The following ALK variants were observed in gnomAD, a reference collection of about 807,000 sequenced individuals.
ALK encodes ALK tyrosine kinase receptor.
Under a neutral mutation model 163.1 loss-of-function variants are expected in ALK, and 74 were observed. The observed-to-expected ratio is 0.45, with a 90% confidence interval of 0.38 to 0.55. The LOEUF is 0.55. Among genes scored for constraint, ALK ranks in the 20% least tolerant of loss-of-function variants. The pLI, the probability that ALK is intolerant of heterozygous loss-of-function variation, is 0.00. For missense variants in ALK, 2,063 were observed against 2,105.3 expected (o/e 0.98, Z 0.39); for synonymous variants, 960 against 843.2 (o/e 1.14, Z -2.40).
At chr2:29,818,710 C>A (rs1337623137) in intron 1 of ALK, among the ~76,000 whole-genome samples, 2 of 152,370 alleles carry the variant, frequency 1.3e-5, no homozygotes, top group African/African-American at 4.8e-5. Flanking sequence ...CAGCGTGAGG[C>A]GGCCCTGGCC....
chr2:29,849,828 G>A (rs566611825), intron 1 of ALK, among the ~76,000 whole-genome samples: 3 of 152,172 alleles, frequency 2.0e-5, no homozygotes, highest in South Asian at 2.1e-4. Context: ...GGGGAGGAGG[G>A]AGGAGAGAGG....
At chr2:29,539,821 GA>G (rs1380743739) in intron 3 of ALK, among the ~76,000 whole-genome samples, 1 of 152,104 alleles carries the variant, frequency 6.6e-6, no homozygotes, top group Non-Finnish European at 1.5e-5. Context: ...CTAAAGTTAA[GA>G]AAACTTTTTC....
intron 3 of ALK, among the ~76,000 whole-genome samples, chr2:29,644,326 C>T (rs1041245327): frequency 6.6e-6 from 1 of 151,648 alleles, no homozygotes; most frequent in Non-Finnish European, 1.5e-5. Context: ...TACAGCACAC[C>T]AACATGGCAC....
chr2:29,810,727 A>G (rs1664737330), intron 1 of ALK, among the ~76,000 whole-genome samples: 1 of 152,142 alleles, frequency 6.6e-6, no homozygotes, highest in African/African-American at 2.4e-5. Flanking sequence ...TAGGCCTTAT[A>G]TTAAGAATAT....
At chr2:29,668,795 A>T (rs1247805884) in intron 3 of ALK, among the ~76,000 whole-genome samples, 1 of 152,094 alleles carries the variant, frequency 6.6e-6, no homozygotes, top group African/African-American at 2.4e-5. Context: ...GGTTTAATGG[A>T]CTCACAGTTT....
At position 29,196,802 on chromosome 2, in the gene ALK, T is replaced by C. The variant is rs1669033638; in HGVS notation, c.4132A>G (p.Ile1378Val). ...CAGTATTCAATCCTCTCCAAAATGATGGCAAAGTTGGGCCTGTCTTCAGGC... is the reference window on the plus strand; with the variant it reads ...CAGTATTCAATCCTCTCCAAAATGACGGCAAAGTTGGGCCTGTCTTCAGGC... ...HQPEDRPNFA[I>V]ILERIEYCTQ... is the part of the protein sequence containing the mutation. Residue 1378 changes from isoleucine to valine, a missense_variant, in exon 28 of 29, where the codon ATC becomes GTC. Around this residue, in one of 5 missense-constraint regions of ALK, gnomAD observed 403 missense variants for 366.2 expected, o/e 1.10. Transcript: ENST00000389048. The C allele has an allele frequency of 6.2e-7, 1 of 1,614,172 alleles. No homozygotes were observed. The highest frequency in any genetic ancestry group is 8.5e-7 in the Non-Finnish European group (1 of 1,179,978).
intron 12 of ALK, among the ~76,000 whole-genome samples, chr2:29,240,152 C>CAGAGAGAGGG (rs142234574): frequency 1.3e-4 from 18 of 143,410 alleles, no homozygotes; most frequent in African/African-American, 4.6e-4. Flanking sequence ...AGGGAAACAG[C>CAGAGAGAGGG]AGAGAGAGAG....
intron 3 of ALK, among the ~76,000 whole-genome samples, chr2:29,600,610 C>T (rs912329484): frequency 7.9e-5 from 12 of 152,112 alleles, no homozygotes; most frequent in Admixed American, 2.0e-4. Flanking sequence ...AGGCTGATAT[C>T]GTGGGGGCTG....
At chr2:29,404,307 CAAAAAAA>C (rs11297118) in intron 4 of ALK, among the ~76,000 whole-genome samples, 3 of 135,410 alleles carry the variant, frequency 2.2e-5, no homozygotes, top group African/African-American at 2.7e-5. Flanking sequence ...GACTCCGTCT[CAAAAAAA>C]AAAAAAAAAA....
At chr2:29,212,415 C>T (rs1669489768) in intron 24 of ALK, among the ~76,000 whole-genome samples, 1 of 152,136 alleles carries the variant, frequency 6.6e-6, no homozygotes, top group Non-Finnish European at 1.5e-5. Context: ...AACTGATAGA[C>T]TCTTAGAAGG....
At chr2:29,553,985 T>C (rs1303739733) in intron 3 of ALK, among the ~76,000 whole-genome samples, 2 of 152,218 alleles carry the variant, frequency 1.3e-5, no homozygotes, top group Non-Finnish European at 2.9e-5. Flanking sequence ...TAAAAGAAAT[T>C]ATTCCATGTG....
At chr2:29,716,484 C>G (rs1679258901) in intron 2 of ALK, among the ~76,000 whole-genome samples, 1 of 152,150 alleles carries the variant, frequency 6.6e-6, no homozygotes. Context: ...TGCAGAGACC[C>G]AGCTACTATG....
intron 23 of ALK, among the ~76,000 whole-genome samples, chr2:29,219,291 G>A (rs1669720850): frequency 6.6e-6 from 1 of 152,184 alleles, no homozygotes. Context: ...TTCTCAAGGG[G>A]TAAGACAGTA....
intron 4 of ALK, among the ~76,000 whole-genome samples, chr2:29,384,994 T>C (rs1225862066): frequency 6.6e-6 from 1 of 152,006 alleles, no homozygotes; most frequent in Non-Finnish European, 1.5e-5. Context: ...GAGGTTGCAG[T>C]GAGCAGAGAT....
intron 1 of ALK, among the ~76,000 whole-genome samples, chr2:29,862,795 A>G (rs1666327750): frequency 6.6e-6 from 1 of 150,978 alleles, no homozygotes; most frequent in Admixed American, 6.6e-5. Flanking sequence ...AGAACCAGAA[A>G]AGACCCAGAA....
intron 4 of ALK, among the ~76,000 whole-genome samples, chr2:29,498,052 C>G (rs1400302476): frequency 1.3e-5 from 2 of 152,172 alleles, no homozygotes; most frequent in Non-Finnish European, 2.9e-5. Flanking sequence ...TCCTCTCCCC[C>G]ACTCTCATTT....
At chr2:29,732,672 C>T (rs1443527504) in intron 1 of ALK, among the ~76,000 whole-genome samples, 1 of 152,106 alleles carries the variant, frequency 6.6e-6, no homozygotes, top group Admixed American at 6.6e-5. Context: ...AGAGGTAGGG[C>T]TTTTGGCAGA....
At chr2:29,667,405 A>G (rs555621897) in intron 3 of ALK, among the ~76,000 whole-genome samples, 1 of 152,220 alleles carries the variant, frequency 6.6e-6, no homozygotes, top group East Asian at 1.9e-4. Flanking sequence ...TCCTTAGAGG[A>G]AAGGCTTTTA....
At chr2:29,747,709 A>G (rs1429544693) in intron 1 of ALK, among the ~76,000 whole-genome samples, 2 of 152,242 alleles carry the variant, frequency 1.3e-5, no homozygotes, top group Non-Finnish European at 2.9e-5. Context: ...CCAGAAATAT[A>G]AAAGAGAAAC....
Sources: allele counts gnomAD v4.1 joint callset (sites outside exome capture counted in the v4.1 genomes callset), GRCh38; gene constraint gnomAD v4.1.1; regional missense constraint gnomAD v4.1.1; transcripts MANE v1.5; gene names NCBI Gene and HGNC (gene_info 2026-07-23, HGNC 2026-07-21).